ANKRD30A: variants seen among roughly 807,000 people sequenced by gnomAD.
ANKRD30A encodes ankyrin repeat domain 30A, also known as ankyrin repeat domain-containing protein 30A.
Under a neutral mutation model 166.3 loss-of-function variants are expected in ANKRD30A, and 170 were observed. The ratio of observed to expected loss-of-function variants is 1.02; its 90% CI spans 0.90 to 1.16. The LOEUF (loss-of-function observed/expected upper bound fraction) is 1.16, where lower values mean the gene tolerates loss of function less well. Among genes scored for constraint, ANKRD30A ranks in the 50% most tolerant of loss-of-function variants. The probability of loss-of-function intolerance (pLI) is 0.00; values close to 1 mark genes in which losing one functional copy is unlikely to be tolerated. For synonymous variants in ANKRD30A, 564 were observed against 508.9 expected (o/e 1.11, Z -1.46); for missense variants, 1,630 against 1,518.0 (o/e 1.07, Z -1.23).
chr10:37,220,532 T>G (rs1319208941), intron 34 of ANKRD30A, among the ~76,000 whole-genome samples: 2 of 151,258 alleles, frequency 1.3e-5, no homozygotes, highest in African/African-American at 2.4e-5. Context: ...ATAACCTCAA[T>G]TTTTTAAAGG....
intron 15 of ANKRD30A, among the ~76,000 whole-genome samples, chr10:37,162,389 A>G (rs1838979857): frequency 6.6e-6 from 1 of 152,182 alleles, no homozygotes; most frequent in Admixed American, 6.5e-5. Flanking sequence ...ATTTTCTCAT[A>G]TCAACCCTTT....
At chr10:37,136,697 C>G (rs1836704522) in intron 6 of ANKRD30A, 26 bp downstream of exon 6, 2 of 1,272,244 alleles carry the variant, frequency 1.6e-6, no homozygotes, top group South Asian at 1.3e-5. Flanking sequence ...GTAAACTACC[C>G]TTGGTGGTGC....
chr10:37,171,173 C>T (rs1397293098), intron 21 of ANKRD30A, among the ~76,000 whole-genome samples: 3 of 103,962 alleles, frequency 2.9e-5, no homozygotes, highest in Non-Finnish European at 4.3e-5. Flanking sequence ...GTTTGCTTAT[C>T]GAATATTTTA....
downstream of ANKRD30A, among the ~76,000 whole-genome samples, chr10:37,233,633 C>T (rs1329031760): frequency 1.3e-5 from 2 of 152,034 alleles, no homozygotes; most frequent in Non-Finnish European, 2.9e-5. Context: ...ATTGGTTTGC[C>T]AAATCATGTT....
intron 31 of ANKRD30A, among the ~76,000 whole-genome samples, chr10:37,204,359 A>C (rs546079250): frequency 4.6e-5 from 7 of 152,158 alleles, no homozygotes; most frequent in African/African-American, 9.7e-5. Context: ...CAAAAACAAG[A>C]AATGGGGAAA....
At chr10:37,253,202 C>T in the ANKRD30A span, among the ~76,000 whole-genome samples, 9 of 152,276 alleles carry the variant, frequency 5.9e-5, 1 homozygote, top group East Asian at 1.7e-3. Flanking sequence ...GCCACTCTGA[C>T]CCTGCATTGT....
At chr10:37,210,683 A>G (rs1842254703) in intron 31 of ANKRD30A, among the ~76,000 whole-genome samples, 1 of 152,060 alleles carries the variant, frequency 6.6e-6, no homozygotes, top group African/African-American at 2.4e-5. Context: ...ATGATATCTT[A>G]TTGTGGTTTT....
intron 18 of ANKRD30A, 32 bp from the exon 19 acceptor site, chr10:37,166,573 T>A (rs776011423): frequency 6.6e-7 from 1 of 1,523,964 alleles, no homozygotes; most frequent in Non-Finnish European, 8.8e-7. Flanking sequence ...GATTTATCCA[T>A]TGAAATTATT....
intron 16 of ANKRD30A, 41 bp from the exon 17 acceptor site, chr10:37,162,735 A>G (rs1177727854): frequency 6.2e-7 from 1 of 1,613,328 alleles, no homozygotes; most frequent in Non-Finnish European, 8.5e-7. Flanking sequence ...TTTGTGAAGT[A>G]TACATTCTTT....
Position 37,219,634 on chromosome 10 carries a change from A to AC in ANKRD30A, c.3922_3923insC (p.Asn1308ThrfsTer7). ...ACACATGTATCAAAACGAACAAGAT[A>AC]ATGTGAACAAACACACTGAACAGCA... On this transcript the variant is annotated frameshift_variant, in exon 34 of 36. Transcript: ENST00000361713. LOFTEE classifies it high-confidence loss of function. 6 of 1,610,168 alleles carry AC rather than the reference A, an allele frequency of 3.7e-6. No homozygotes were observed. In the South Asian group the frequency reaches 5.5e-5, roughly 15 times the overall value.
At chr10:37,241,128 A>G in the ANKRD30A span, 2 of 152,004 alleles carry the variant, frequency 1.3e-5, no homozygotes, top group African/African-American at 4.8e-5. Context: ...CTTAGTTTAC[A>G]TAAAATCTTT....
intron 24 of ANKRD30A, among the ~76,000 whole-genome samples, chr10:37,183,064 T>G (rs1747855175): frequency 6.7e-6 from 1 of 149,216 alleles, no homozygotes; most frequent in Admixed American, 6.8e-5. Context: ...AGACTGTGTT[T>G]CCTAGCCACT....
rs182697503 is a variant in ANKRD30A at position 37,162,864 on chromosome 10, T to G, written c.2002+16T>G. The G allele has an allele frequency of 2.5e-4, 405 of 1,610,366 alleles. No homozygotes were observed. In the African/African-American group the frequency reaches 3.5e-3, roughly 14 times the overall value. On this transcript the variant is annotated intron_variant, in intron 17 of 35. Transcript: ENST00000361713. ...TTGAGAGCAGGTAAATTTTTCAATGTAACTATGGAAAGACCAATATTTCAA... is the reference window on the plus strand; with the variant it reads ...TTGAGAGCAGGTAAATTTTTCAATGGAACTATGGAAAGACCAATATTTCAA...
intron 15 of ANKRD30A, among the ~76,000 whole-genome samples, chr10:37,160,167 T>G (rs1465588645): frequency 1.3e-5 from 2 of 152,214 alleles, no homozygotes; most frequent in African/African-American, 4.8e-5. Context: ...AGACCGTCTT[T>G]TCTAGCCACT....
At chr10:37,154,864 T>C (rs1442823259) in intron 13 of ANKRD30A, among the ~76,000 whole-genome samples, 1 of 152,192 alleles carries the variant, frequency 6.6e-6, no homozygotes, top group Non-Finnish European at 1.5e-5. Context: ...AGAATTGGAC[T>C]AAACCTCAGT....
the ANKRD30A span, among the ~76,000 whole-genome samples, chr10:37,250,114 C>T: frequency 1.3e-5 from 2 of 152,180 alleles, no homozygotes; most frequent in Admixed American, 1.3e-4. Flanking sequence ...CCCTGCCTCT[C>T]TTGCCCTCTG....
intron 31 of ANKRD30A, among the ~76,000 whole-genome samples, chr10:37,201,621 CAG>C (rs1841633428): frequency 6.6e-6 from 1 of 152,068 alleles, no homozygotes; most frequent in African/African-American, 2.4e-5. Flanking sequence ...CTGAGAAAGA[CAG>C]AGCGTACAGA....
chr10:37,172,133 G>T (rs17606527), intron 21 of ANKRD30A, among the ~76,000 whole-genome samples: 67 of 113,644 alleles, frequency 5.9e-4, no homozygotes, highest in East Asian at 1.1e-3. Flanking sequence ...ATCACGAGGT[G>T]AGGAGAGCGA....
At chr10:37,245,920 A>G in the ANKRD30A span, among the ~76,000 whole-genome samples, 2 of 152,188 alleles carry the variant, frequency 1.3e-5, no homozygotes, top group Non-Finnish European at 2.9e-5. Flanking sequence ...GTTCTTAGCC[A>G]TGTGGATTTC....
Sources: gnomAD v4.1 joint callset for allele counts (sites outside exome capture counted in the v4.1 genomes callset) on GRCh38, gnomAD v4.1.1 for gene constraint, MANE v1.5 for transcripts, NCBI Gene and HGNC (gene_info 2026-07-23, HGNC 2026-07-21) for gene names.